FAM170A: variants seen among roughly 807,000 people sequenced by gnomAD.
The protein encoded by FAM170A is protein FAM170A.
A neutral mutation model predicts 36.6 loss-of-function variants in FAM170A; 28 were observed. The observed-to-expected ratio is 0.76, with a 90% confidence interval of 0.57 to 1.05. The LOEUF is 1.05. FAM170A is among the 50% of genes least tolerant of loss of function. The pLI is 0.00. For missense variants in FAM170A, 434 were observed against 396.5 expected (o/e 1.09, Z -0.80); for synonymous variants, 156 against 143.9 (o/e 1.08, Z -0.60).
exon 3 of FAM170A, chr5:119,634,341 C>A: frequency 6.2e-7 from 1 of 1,614,200 alleles, no homozygotes; most frequent in Non-Finnish European, 8.5e-7. Flanking sequence ...GAGGAAAGGA[C>A]AGAATCAGAC....
chr5:119,630,266 T>C (rs1756218164), intron 1 of FAM170A, among the ~76,000 whole-genome samples: 1 of 145,166 alleles, frequency 6.9e-6, no homozygotes, highest in African/African-American at 2.6e-5. Context: ...GCCATTCACC[T>C]GCCTCAGCCT....
chr5:119,629,866 A>G (rs1401911932), intron 1 of FAM170A, 28 bp downstream of exon 1: 2 of 1,565,106 alleles, frequency 1.3e-6, no homozygotes, highest in Non-Finnish European at 8.8e-7. Context: ...TTTCTGGGGC[A>G]CAAGCGTCAC....
exon 1 of FAM170A, chr5:119,629,759 A>G (rs780057755): frequency 4.3e-6 from 7 of 1,610,798 alleles, no homozygotes; most frequent in South Asian, 3.3e-5. Flanking sequence ...AAACTCTTCT[A>G]GCTGATATCA....
intron 1 of FAM170A, 36 bp downstream of exon 1, chr5:119,629,874 CA>C: frequency 6.5e-7 from 1 of 1,531,228 alleles, no homozygotes. Context: ...GCACAAGCGT[CA>C]CTGGCCAGCC....
At chr5:119,635,056 T>TG (rs1189093672) in exon 4 of FAM170A, 3 of 1,613,924 alleles carry the variant, frequency 1.9e-6, no homozygotes, top group Non-Finnish European at 2.5e-6. Flanking sequence ...CAGAAGATAC[T>TG]GGAAGATGGT....
At chr5:119,630,624 A>G (rs1207884418) in intron 1 of FAM170A, among the ~76,000 whole-genome samples, 1 of 152,198 alleles carries the variant, frequency 6.6e-6, no homozygotes, top group Non-Finnish European at 1.5e-5. Context: ...ACTGGCACAC[A>G]GAAAGCCAAC....
exon 3 of FAM170A, chr5:119,634,043 T>C (rs1213624906): frequency 6.2e-7 from 1 of 1,614,148 alleles, no homozygotes; most frequent in Non-Finnish European, 8.5e-7. Context: ...TCCTCCCCGC[T>C]CACAACATGT....
At chr5:119,631,553 G>A (rs781220746) in intron 1 of FAM170A, among the ~76,000 whole-genome samples, 13 of 152,100 alleles carry the variant, frequency 8.5e-5, no homozygotes, top group Non-Finnish European at 1.9e-4. Flanking sequence ...TTTTTGTTAA[G>A]GGTATTCCAG....
At chr5:119,632,468 A>T (rs900663134) in intron 1 of FAM170A, among the ~76,000 whole-genome samples, 1 of 149,954 alleles carries the variant, frequency 6.7e-6, no homozygotes, top group Non-Finnish European at 1.5e-5. Context: ...ATATACCCAC[A>T]CAAATCTACA....
At chr5:119,635,251 T>C (rs1166093485) in intron 4 of FAM170A, among the ~76,000 whole-genome samples, 165 bp downstream of exon 4, 1 of 152,226 alleles carries the variant, frequency 6.6e-6, no homozygotes, top group Non-Finnish European at 1.5e-5. Context: ...TTTGCTTAGA[T>C]GACAAGGTGA....
At chr5:119,630,148 C>CTT (rs1756213518) in intron 1 of FAM170A, among the ~76,000 whole-genome samples, 1 of 52,564 alleles carries the variant, frequency 1.9e-5, no homozygotes, top group Non-Finnish European at 3.6e-5. Flanking sequence ...GCCTCGGCCT[C>CTT]CTTTTTTTTT....
At chr5:119,630,689 G>C (rs1291150283) in intron 1 of FAM170A, among the ~76,000 whole-genome samples, 2 of 152,178 alleles carry the variant, frequency 1.3e-5, no homozygotes, top group Non-Finnish European at 2.9e-5. Context: ...AACTATGCCA[G>C]TCTCAGGCAG....
At chr5:119,634,543 T>C in exon 3 of FAM170A, 1 of 1,613,134 alleles carries the variant, frequency 6.2e-7, no homozygotes, top group Non-Finnish European at 8.5e-7. Flanking sequence ...TCACCATGGC[T>C]CAGCTGACAG....
rs761128540 is a variant in FAM170A at position 119,634,247 on chromosome 5, G to T, written c.499G>T (p.Val167Leu). Reference sequence around the variant, plus strand: ...GGAAGAAGTGACCCTTTCTGAGGTTGTGAGGGTAGGTACTCCCCCCTCTGA... The same window carrying T: ...GGAAGAAGTGACCCTTTCTGAGGTTTTGAGGGTAGGTACTCCCCCCTCTGA... Residue 167 changes from valine to leucine, a missense_variant, in exon 3 of 5, where the codon GTG (valine) becomes TTG (leucine). Transcript: ENST00000613773. The T allele has an allele frequency of 2.5e-6, 4 of 1,614,226 alleles. No homozygotes were observed. In the South Asian group the frequency reaches 4.4e-5, roughly 18 times the overall value.
intron 1 of FAM170A, among the ~76,000 whole-genome samples, chr5:119,631,583 C>T (rs1250028406): frequency 6.6e-6 from 1 of 152,002 alleles, no homozygotes; most frequent in Non-Finnish European, 1.5e-5. Flanking sequence ...ACTCATATGC[C>T]CATATATACT....
chr5:119,631,873 G>T (rs1756259431), intron 1 of FAM170A, among the ~76,000 whole-genome samples: 1 of 152,118 alleles, frequency 6.6e-6, no homozygotes, highest in Admixed American at 6.5e-5. Flanking sequence ...GCTTTGCATA[G>T]ACCACAACGA....
chr5:119,632,800 C>G (rs1303269998), exon 2 of FAM170A: 2 of 1,612,654 alleles, frequency 1.2e-6, no homozygotes, highest in Non-Finnish European at 1.7e-6. Context: ...CTAGAGTGGC[C>G]AAAGGCTGGA....
In FAM170A at chr5:119,635,510, C is replaced by G. The variant is rs573549111; in HGVS notation, c.*53-190C>G. Among the ~76,000 whole-genome samples the G allele has an allele frequency of 5.3e-5, 8 of 152,298 alleles. No homozygotes were observed. In the South Asian group the frequency reaches 1.4e-3, roughly 28 times the overall value. On this transcript the variant is annotated intron_variant, in intron 4 of 4. Transcript: ENST00000613773. ...GAATTTGGAGAGGTAACAACATCAT[C>G]CTGATGAGACACCAAGAGAACTGGA...
At chr5:119,632,936 T>TC in intron 2 of FAM170A, 48 bp downstream of exon 2, 1 of 1,515,896 alleles carries the variant, frequency 6.6e-7, no homozygotes, top group South Asian at 1.3e-5. Context: ...GCTGTGGGGT[T>TC]CATTGGGCAT....
Sources: gnomAD v4.1 joint callset for allele counts (sites outside exome capture counted in the v4.1 genomes callset) on GRCh38, gnomAD v4.1.1 for gene constraint, MANE v1.5 for transcripts, NCBI Gene and HGNC (gene_info 2026-07-23, HGNC 2026-07-21) for gene names.